The following CHD6 variants were observed in gnomAD, a reference collection of about 807,000 sequenced individuals.
CHD6 encodes the protein ATP-dependent chromatin remodeler CHD6.
Under a neutral mutation model 276.9 loss-of-function variants are expected in CHD6, and 50 were observed. That is an observed-to-expected ratio of 0.18 (90% confidence interval 0.14 to 0.23). CHD6 has a LOEUF of 0.23. Ranked by LOEUF, CHD6 falls within the 10% of genes least tolerant of loss-of-function variation. The pLI is 1.00. For synonymous variants in CHD6, 1,173 were observed against 1,229.3 expected (o/e 0.95, Z 0.96); for missense variants, 2,564 against 3,365.8 (o/e 0.76, Z 5.89).
chr20:41,460,720 G>T (rs1393934325), intron 17 of CHD6, among the ~76,000 whole-genome samples: 1 of 152,238 alleles, frequency 6.6e-6, no homozygotes, highest in Admixed American at 6.5e-5. Context: ...TGCTGCAGAG[G>T]TGGGGTCCTC....
At chr20:41,586,708 C>A (rs1031631615) in intron 1 of CHD6, among the ~76,000 whole-genome samples, 1 of 152,112 alleles carries the variant, frequency 6.6e-6, no homozygotes, top group East Asian at 1.9e-4. Flanking sequence ...TATAATTCAC[C>A]GTATCAACAG....
chr20:41,451,877 G>A lies in CHD6; in HGVS notation c.3472C>T (p.Leu1158=), dbSNP rs774667918. 1 of 1,614,160 alleles carries A rather than the reference G, an allele frequency of 6.2e-7. No homozygotes were observed. Among genetic ancestry groups the A allele is most frequent in the East Asian group, 2.2e-5 (1 of 44,878 alleles). The part of the protein sequence containing the change: ...DEKIKSFIWE[L]ITPTKDGQAQ... ...TGCCCATCTTTGGTAGGTGTGATCA[G>A]TTCCCAAATGAAACTCTTGATCTTC... Residue 1158 remains leucine (L), a synonymous_variant, in exon 22 of 37, where the codon CTG becomes TTG. Transcript: ENST00000373233.
intron 16 of CHD6, among the ~76,000 whole-genome samples, chr20:41,480,954 C>A (rs2043281555): frequency 6.6e-6 from 1 of 151,868 alleles, no homozygotes; most frequent in Non-Finnish European, 1.5e-5. Context: ...AAGCCATAAA[C>A]ATGAAAAGAA....
intron 3 of CHD6, among the ~76,000 whole-genome samples, chr20:41,530,008 G>GA (rs2044642196): frequency 6.6e-6 from 1 of 152,156 alleles, no homozygotes; most frequent in South Asian, 2.1e-4. Context: ...CCCGACTGGG[G>GA]AAATACCCAA....
chr20:41,553,551 G>C (rs1259877808), intron 1 of CHD6, among the ~76,000 whole-genome samples: 1 of 152,202 alleles, frequency 6.6e-6, no homozygotes, highest in Non-Finnish European at 1.5e-5. Context: ...TAGGCTATTA[G>C]CAAATCGGGT....
intron 11 of CHD6, among the ~76,000 whole-genome samples, chr20:41,491,013 T>C (rs971260234): frequency 2.0e-5 from 3 of 151,960 alleles, no homozygotes; most frequent in African/African-American, 4.8e-5. Flanking sequence ...ATGGAGCTTA[T>C]AGGACTGGAA....
chr20:41,410,863 C>T (rs1380085427), intron 36 of CHD6, among the ~76,000 whole-genome samples: 1 of 152,058 alleles, frequency 6.6e-6, no homozygotes, highest in Non-Finnish European at 1.5e-5. Context: ...TCAGAGACTA[C>T]AACAAAGCAA....
chr20:41,466,084 T>C (rs746517049), intron 17 of CHD6, among the ~76,000 whole-genome samples: 6 of 152,064 alleles, frequency 3.9e-5, no homozygotes, highest in Non-Finnish European at 8.8e-5. Flanking sequence ...TGCCTGTAAT[T>C]CCAACTACTT....
chr20:41,499,460 T>G, intron 5 of CHD6, 103 bp from the exon 6 acceptor site: 1 of 941,460 alleles, frequency 1.1e-6, no homozygotes, highest in Non-Finnish European at 1.6e-6. Flanking sequence ...ATTCAAAAGT[T>G]CACCTTTGAG....
chr20:41,587,102 ATAATT>A (rs2045603793), intron 1 of CHD6, among the ~76,000 whole-genome samples: 2 of 152,292 alleles, frequency 1.3e-5, no homozygotes, highest in Admixed American at 6.5e-5. Context: ...TTCTAGAACT[ATAATT>A]TAATAAGGTC....
chr20:41,527,806 TG>T (rs1226507265), intron 3 of CHD6, among the ~76,000 whole-genome samples: 2 of 152,188 alleles, frequency 1.3e-5, no homozygotes. Flanking sequence ...TGTCGGGGGT[TG>T]GGGTCTAATA....
At chr20:41,529,344 A>C (rs1022997741) in intron 3 of CHD6, among the ~76,000 whole-genome samples, 6 of 152,198 alleles carry the variant, frequency 3.9e-5, no homozygotes, top group African/African-American at 1.2e-4. Flanking sequence ...ACCACAATTA[A>C]TGACGGGAAA....
At chr20:41,590,018 A>G (rs1226454885) in intron 1 of CHD6, among the ~76,000 whole-genome samples, 1 of 152,062 alleles carries the variant, frequency 6.6e-6, no homozygotes, top group Non-Finnish European at 1.5e-5. Context: ...AAACAGAGAT[A>G]TAGACCAATG....
At chr20:41,598,223 G>C (rs2045738738) in intron 1 of CHD6, among the ~76,000 whole-genome samples, 1 of 152,150 alleles carries the variant, frequency 6.6e-6, no homozygotes, top group African/African-American at 2.4e-5. Context: ...AGGTCGCAGG[G>C]GCAGACTCTA....
chr20:41,485,874 T>G (rs1375146628), intron 14 of CHD6: 3 of 152,170 alleles, frequency 2.0e-5, no homozygotes, highest in Admixed American at 2.0e-4. Context: ...TAATTAGCTC[T>G]ATTTAGCCAT....
intron 20 of CHD6, among the ~76,000 whole-genome samples, chr20:41,453,846 G>A (rs1178977174): frequency 6.6e-6 from 1 of 152,170 alleles, no homozygotes; most frequent in African/African-American, 2.4e-5. Flanking sequence ...AAAGAGGGTG[G>A]ATTAAGCAAC....
intron 11 of CHD6, among the ~76,000 whole-genome samples, chr20:41,491,101 T>A (rs185397669): frequency 6.6e-6 from 1 of 152,030 alleles, no homozygotes; most frequent in Non-Finnish European, 1.5e-5. Context: ...CTGTAGACAT[T>A]ATAAATACTG....
chr20:41,568,994 C>A (rs1349081865), intron 1 of CHD6, among the ~76,000 whole-genome samples: 2 of 152,274 alleles, frequency 1.3e-5, no homozygotes, highest in East Asian at 3.9e-4. Context: ...CTCCCACTTC[C>A]AATTCCTCCT....
chr20:41,525,496 C>T (rs2044509385), intron 3 of CHD6, among the ~76,000 whole-genome samples: 1 of 152,206 alleles, frequency 6.6e-6, no homozygotes, highest in East Asian at 1.9e-4. Context: ...GGACTCCCTC[C>T]ACACCATTTA....
Sources: gnomAD v4.1 joint callset for allele counts (sites outside exome capture counted in the v4.1 genomes callset) on GRCh38, gnomAD v4.1.1 for gene constraint, MANE v1.5 for transcripts, NCBI Gene and HGNC (gene_info 2026-07-23, HGNC 2026-07-21) for gene names.